The following SNTG1 variants were observed in gnomAD, a reference collection of about 807,000 sequenced individuals.
SNTG1 encodes gamma-1-syntrophin.
SNTG1 carries 39 observed loss-of-function variants against 74.7 expected under a neutral mutation model. That is an observed-to-expected ratio of 0.52 (90% CI 0.40 to 0.68). The LOEUF (loss-of-function observed/expected upper bound fraction) is 0.68. Ranked by LOEUF, SNTG1 falls within the 30% of genes least tolerant of loss-of-function variation. The pLI is 0.00. For missense variants in SNTG1, 685 were observed against 609.5 expected, an observed-to-expected ratio of 1.12 and a Z score of -1.30; for synonymous variants, 254 against 217.1, an observed-to-expected ratio of 1.17 and a Z score of -1.49.
At chr8:50,310,169 C>T (rs1028524232) in intron 2 of SNTG1, among the ~76,000 whole-genome samples, 1 of 152,146 alleles carries the variant, frequency 6.6e-6, no homozygotes, top group Non-Finnish European at 1.5e-5. Context: ...CTACTCGAAC[C>T]ATGTGGCATT....
chr8:50,195,123 C>T (rs561903350), intron 2 of SNTG1, among the ~76,000 whole-genome samples: 3 of 152,040 alleles, frequency 2.0e-5, no homozygotes, highest in Admixed American at 6.6e-5. Flanking sequence ...GCTGTGGCTG[C>T]TGTGGAGAAT....
chr8:50,384,472 T>G (rs2092541553), intron 2 of SNTG1, among the ~76,000 whole-genome samples: 1 of 150,658 alleles, frequency 6.6e-6, no homozygotes, highest in African/African-American at 2.5e-5. Context: ...AAGCACAACA[T>G]GCTGACCTTT....
chr8:49,978,097 T>G (rs1463248570), intron 1 of SNTG1, among the ~76,000 whole-genome samples: 3 of 152,190 alleles, frequency 2.0e-5, no homozygotes, highest in African/African-American at 7.2e-5. Context: ...TAATGGACGT[T>G]GGGATGTTGA....
intron 1 of SNTG1, among the ~76,000 whole-genome samples, chr8:50,036,072 GT>G (rs1318710572): frequency 1.3e-5 from 2 of 152,176 alleles, no homozygotes; most frequent in Non-Finnish European, 2.9e-5. Flanking sequence ...ATTTGGGATG[GT>G]TTAGGATGGT....
At chr8:50,168,059 T>C (rs933239503) in intron 1 of SNTG1, among the ~76,000 whole-genome samples, 1 of 152,132 alleles carries the variant, frequency 6.6e-6, no homozygotes, top group Admixed American at 6.5e-5. Flanking sequence ...ATTTCTCTTA[T>C]TGAAATGTAA....
intron 17 of SNTG1, among the ~76,000 whole-genome samples, chr8:50,714,947 C>G (rs2095471570): frequency 6.6e-6 from 1 of 152,044 alleles, no homozygotes; most frequent in Admixed American, 6.6e-5. Context: ...CCAAAAACAA[C>G]AACAAAAACA....
intron 17 of SNTG1, among the ~76,000 whole-genome samples, chr8:50,747,575 T>G (rs1243364058): frequency 6.6e-6 from 1 of 152,046 alleles, no homozygotes; most frequent in African/African-American, 2.4e-5. Flanking sequence ...TAAGGTAACA[T>G]TCTATTATTT....
chr8:50,392,670 A>G (rs141614955), intron 2 of SNTG1, among the ~76,000 whole-genome samples: 2 of 152,156 alleles, frequency 1.3e-5, no homozygotes, highest in South Asian at 2.1e-4. Context: ...TTATATATGA[A>G]TTACTTTTCT....
chr8:50,783,424 A>G (rs11777427), intron 18 of SNTG1, among the ~76,000 whole-genome samples: 48,874 of 151,994 alleles, frequency 0.32, 7,986 homozygotes, highest in Middle Eastern at 0.44. Flanking sequence ...CCCCAGCCTC[A>G]CTGCTGCCTT....
At chr8:50,015,866 G>A (rs934532211) in intron 1 of SNTG1, among the ~76,000 whole-genome samples, 9 of 152,142 alleles carry the variant, frequency 5.9e-5, no homozygotes, top group Admixed American at 5.9e-4. Flanking sequence ...GTTGTAGTCG[G>A]TTGGCAAGAG....
chr8:50,229,799 T>A (rs1306662025), intron 2 of SNTG1, among the ~76,000 whole-genome samples: 2 of 151,454 alleles, frequency 1.3e-5, no homozygotes, highest in African/African-American at 2.4e-5. Context: ...CCAGCTTATG[T>A]CGAACATTCA....
At chr8:50,785,102 A>G (rs887783629) in intron 18 of SNTG1, among the ~76,000 whole-genome samples, 9 of 152,012 alleles carry the variant, frequency 5.9e-5, no homozygotes, top group Admixed American at 1.3e-4. Flanking sequence ...TAATAAAAAA[A>G]TCTTAAATAC....
intron 1 of SNTG1, among the ~76,000 whole-genome samples, chr8:50,003,548 T>A (rs1156811146): frequency 6.6e-6 from 1 of 152,170 alleles, no homozygotes. Context: ...TTTTAAATGT[T>A]GATGTAATTA....
At chr8:50,421,499 C>CT (rs1359740751) in intron 4 of SNTG1, among the ~76,000 whole-genome samples, 3 of 152,104 alleles carry the variant, frequency 2.0e-5, no homozygotes, top group Middle Eastern at 3.2e-3. Context: ...ATTTAGCTGG[C>CT]TTTTTTTATT....
rs183762701 is a variant in SNTG1 at position 50,153,699 on chromosome 8, C to T, written c.-102-18862C>T. Reference sequence around the variant, plus strand: ...ACCCTGTTTGCCTGGGTATCAGCAGCGGAGGCTGCAGAACAGCGAATATTG... The same window carrying T: ...ACCCTGTTTGCCTGGGTATCAGCAGTGGAGGCTGCAGAACAGCGAATATTG... On this transcript the variant is annotated intron_variant, in intron 1 of 18. Coordinates refer to ENST00000642720, the MANE Select transcript of SNTG1 (RefSeq NM_018967.5). Among the ~76,000 whole-genome samples the T allele has an allele frequency of 7.2e-3, 1,102 of 152,272 alleles. 17 individuals are homozygous for T. Among genetic ancestry groups the T allele is most frequent in the African/African-American group, 0.025 (1,023 of 41,552 alleles).
intron 16 of SNTG1, among the ~76,000 whole-genome samples, chr8:50,707,077 T>C (rs2095445733): frequency 6.6e-6 from 1 of 152,056 alleles, no homozygotes; most frequent in Non-Finnish European, 1.5e-5. Context: ...ATATTATAAA[T>C]GATAGAACTT....
intron 4 of SNTG1, among the ~76,000 whole-genome samples, chr8:50,426,855 TATA>T (rs2093170039): frequency 6.6e-6 from 1 of 152,114 alleles, no homozygotes. Context: ...AGCAATAACG[TATA>T]ATAACTATTT....
chr8:49,971,044 A>C (rs1811619318), intron 1 of SNTG1, among the ~76,000 whole-genome samples: 1 of 152,194 alleles, frequency 6.6e-6, no homozygotes, highest in Non-Finnish European at 1.5e-5. Flanking sequence ...CCTGATACCA[A>C]AGCCTGGCAG....
intron 3 of SNTG1, among the ~76,000 whole-genome samples, chr8:50,394,785 A>G (rs1405385457): frequency 2.0e-5 from 3 of 152,126 alleles, no homozygotes; most frequent in South Asian, 2.1e-4. Context: ...TTACAGTTCA[A>G]TAGTGCATGG....
Sources: allele counts gnomAD v4.1 joint callset (sites outside exome capture counted in the v4.1 genomes callset), GRCh38; gene constraint gnomAD v4.1.1; transcripts MANE v1.5; gene names NCBI Gene and HGNC (gene_info 2026-07-23, HGNC 2026-07-21).